TTC29: variants seen among roughly 807,000 people sequenced by gnomAD.
TTC29 encodes the protein tetratricopeptide repeat protein 29.
In TTC29, 49 loss-of-function variants were observed where a neutral mutation model predicts 58.1. The observed-to-expected ratio is 0.84, with a 90% CI of 0.67 to 1.07. The LOEUF is 1.07. Ranked by LOEUF, TTC29 falls within the 50% of genes least tolerant of loss-of-function variation. The pLI is 0.00. For missense variants in TTC29, 582 were observed against 555.6 expected (o/e 1.05, Z -0.48); for synonymous variants, 209 against 196.8 (o/e 1.06, Z -0.52).
At position 146,909,171 on chromosome 4, in the gene TTC29, G is replaced by A. The variant is rs1422800958; in HGVS notation, c.255C>T (p.Phe85=). 3 of 1,613,662 alleles carry A rather than the reference G, an allele frequency of 1.9e-6. No individual in the cohort carries two copies. The highest frequency in any genetic ancestry group is 2.7e-5 in the African/African-American group (2 of 74,918). The change falls in exon 5 of 13, where the codon TTC becomes TTT. Residue 85 remains phenylalanine (F), a synonymous_variant. Transcript: ENST00000325106. The stretch of plus-strand genomic sequence containing the variant: ...GGGCATCCCACCGCTCCATCAGAGC[G>A]AAGAGCTCGGTGAAGGACTTATGAT... ...DGYHKSFTEL[F]ALMERWDALR...
intron 11 of TTC29, among the ~76,000 whole-genome samples, chr4:146,747,849 C>G (rs139461184): frequency 6.6e-6 from 1 of 152,302 alleles, no homozygotes; most frequent in East Asian, 1.9e-4. Context: ...AGTCATCAGG[C>G]CAAATGGCCC....
At chr4:146,795,302 G>A (rs1337783189) in intron 11 of TTC29, among the ~76,000 whole-genome samples, 2 of 152,070 alleles carry the variant, frequency 1.3e-5, no homozygotes, top group Non-Finnish European at 2.9e-5. Flanking sequence ...TGGTCAGGAT[G>A]GACTGGCATT....
At chr4:146,840,612 A>T (rs1728793813) in intron 8 of TTC29, among the ~76,000 whole-genome samples, 1 of 152,096 alleles carries the variant, frequency 6.6e-6, no homozygotes, top group African/African-American at 2.4e-5. Flanking sequence ...GGTGCTAGGG[A>T]TACAGCAGCC....
chr4:146,827,792 T>C (rs1727908332), intron 9 of TTC29, among the ~76,000 whole-genome samples: 1 of 152,216 alleles, frequency 6.6e-6, no homozygotes, highest in South Asian at 2.1e-4. Flanking sequence ...TTCACAGCTC[T>C]CTACTTGACA....
intron 8 of TTC29, among the ~76,000 whole-genome samples, chr4:146,857,956 C>T (rs2150194222): frequency 6.6e-6 from 1 of 152,026 alleles, no homozygotes; most frequent in East Asian, 1.9e-4. Flanking sequence ...ACGTAATGTA[C>T]ATATCATAAA....
At chr4:146,824,285 C>A (rs189099627) in intron 9 of TTC29, among the ~76,000 whole-genome samples, 24 of 152,138 alleles carry the variant, frequency 1.6e-4, no homozygotes, top group African/African-American at 4.3e-4. Flanking sequence ...CATCAATACC[C>A]AGTTTATTGA....
rs1334021950 is a variant in TTC29 at position 146,930,118 on chromosome 4, T to TATACAC, written c.176+7475_176+7476insGTGTAT. On this transcript the variant is annotated intron_variant, in intron 4 of 12. Transcript: ENST00000325106. ...ATATATATATATATATATATATATA[T>TATACAC]ACACACATATATATCTTGATAAGTT... Among the ~76,000 whole-genome samples the TATACAC allele has an allele frequency of 7.8e-5, 10 of 128,886 alleles. No homozygotes were observed. In the East Asian group the frequency reaches 1.7e-3, roughly 22 times the overall value. 84.6% of individuals were successfully genotyped at this position (128,886 alleles called of 152,430 possible).
At chr4:146,884,817 T>G (rs1731872135) in intron 6 of TTC29, among the ~76,000 whole-genome samples, 1 of 147,276 alleles carries the variant, frequency 6.8e-6, no homozygotes, top group African/African-American at 2.7e-5. Context: ...TGGAGTTTTT[T>G]GTTTGTTTGT....
At chr4:146,755,212 T>C (rs1561092995) in intron 11 of TTC29, among the ~76,000 whole-genome samples, 1 of 152,062 alleles carries the variant, frequency 6.6e-6, no homozygotes, top group African/African-American at 2.4e-5. Flanking sequence ...ACAACACTGA[T>C]AAAAGAAGTT....
chr4:146,933,813 C>T (rs959101048), intron 4 of TTC29, among the ~76,000 whole-genome samples: 30 of 152,284 alleles, frequency 2.0e-4, no homozygotes, highest in South Asian at 2.1e-4. Flanking sequence ...TGCCTTTGAA[C>T]GATTCTACCA....
chr4:146,808,532 T>G (rs1277441917), intron 10 of TTC29, among the ~76,000 whole-genome samples: 3 of 152,206 alleles, frequency 2.0e-5, no homozygotes. Flanking sequence ...GAGAAGCAAC[T>G]TCAGCAAAGT....
intron 10 of TTC29, among the ~76,000 whole-genome samples, chr4:146,815,690 A>G (rs1219300060): frequency 6.6e-6 from 1 of 152,204 alleles, no homozygotes; most frequent in African/African-American, 2.4e-5. Flanking sequence ...AGAAGAAAAA[A>G]TTTAGAGAAA....
At chr4:146,751,864 A>T (rs1746024380) in intron 11 of TTC29, among the ~76,000 whole-genome samples, 1 of 152,206 alleles carries the variant, frequency 6.6e-6, no homozygotes, top group African/African-American at 2.4e-5. Flanking sequence ...AATACAAAAT[A>T]GAAAAATCAT....
intron 8 of TTC29, among the ~76,000 whole-genome samples, chr4:146,836,044 CT>C (rs1728488198): frequency 6.6e-6 from 1 of 152,218 alleles, no homozygotes; most frequent in South Asian, 2.1e-4. Flanking sequence ...ATGTCCTAGC[CT>C]TCCATACCCA....
intron 6 of TTC29, among the ~76,000 whole-genome samples, chr4:146,894,284 C>T (rs1337807561): frequency 1.3e-4 from 19 of 151,452 alleles, no homozygotes; most frequent in African/African-American, 2.2e-4. Flanking sequence ...CCAACCCAAA[C>T]GTCCAACAAT....
chr4:146,729,159 T>G (rs1029735304), intron 11 of TTC29, among the ~76,000 whole-genome samples: 1 of 152,094 alleles, frequency 6.6e-6, no homozygotes, highest in Non-Finnish European at 1.5e-5. Flanking sequence ...ATCTCTTCTT[T>G]TCACTAATAA....
chr4:146,873,999 C>T (rs572896124), intron 7 of TTC29, among the ~76,000 whole-genome samples: 91 of 152,252 alleles, frequency 6.0e-4, no homozygotes, highest in Non-Finnish European at 9.1e-4. Context: ...AATATCTGTG[C>T]ATTTCACAAA....
chr4:146,726,065 C>T (rs992626400), intron 11 of TTC29, among the ~76,000 whole-genome samples: 4 of 151,972 alleles, frequency 2.6e-5, no homozygotes, highest in East Asian at 1.9e-4. Context: ...TTAGAGACAG[C>T]GGTATTGCTA....
intron 11 of TTC29, among the ~76,000 whole-genome samples, chr4:146,717,186 T>A (rs1016502331): frequency 7.9e-5 from 12 of 152,304 alleles, no homozygotes; most frequent in Admixed American, 5.2e-4. Flanking sequence ...AGTTGCAACA[T>A]TTAGATAATA....
Sources: gnomAD v4.1 joint callset for allele counts (sites outside exome capture counted in the v4.1 genomes callset) on GRCh38, gnomAD v4.1.1 for gene constraint, MANE v1.5 for transcripts, NCBI Gene and HGNC (gene_info 2026-07-23, HGNC 2026-07-21) for gene names.